Variants in EGFLAM observed in about 807,000 individuals in gnomAD.
EGFLAM encodes pikachurin.
EGFLAM carries 79 observed loss-of-function variants against 113.1 expected under a neutral mutation model. The observed-to-expected ratio is 0.70, with a 90% CI of 0.58 to 0.84. The LOEUF (loss-of-function observed/expected upper bound fraction) is 0.84. Among genes scored for constraint, EGFLAM ranks in the 40% least tolerant of loss-of-function variants. The pLI, the probability that EGFLAM is intolerant of heterozygous loss-of-function variation, is 0.00. For synonymous variants in EGFLAM, 504 were observed against 487.6 expected (o/e 1.03, Z -0.44); for missense variants, 1,265 against 1,291.6 (o/e 0.98, Z 0.32).
intron 1 of EGFLAM, among the ~76,000 whole-genome samples, chr5:38,299,206 C>T (rs1758516062): frequency 6.6e-6 from 1 of 152,170 alleles, no homozygotes; most frequent in African/African-American, 2.4e-5. Flanking sequence ...TATTGTGTAA[C>T]ACACAAGGAA....
intron 1 of EGFLAM, among the ~76,000 whole-genome samples, chr5:38,279,650 T>C (rs1757968428): frequency 6.6e-6 from 1 of 152,168 alleles, no homozygotes; most frequent in South Asian, 2.1e-4. Context: ...CTCACTCATA[T>C]GTGGAGTCTA....
intron 1 of EGFLAM, among the ~76,000 whole-genome samples, chr5:38,306,380 G>C (rs56127508): frequency 2.0e-5 from 3 of 152,164 alleles, no homozygotes; most frequent in African/African-American, 7.2e-5. Flanking sequence ...TTTTCCACCA[G>C]ATGGCTGCGT....
intron 17 of EGFLAM, among the ~76,000 whole-genome samples, chr5:38,446,290 C>T (rs935747242): frequency 2.0e-5 from 3 of 152,040 alleles, no homozygotes; most frequent in African/African-American, 7.2e-5. Flanking sequence ...GGTCTATTCC[C>T]TCCCCTCCTT....
At chr5:38,396,320 T>C (rs1740961433) in intron 6 of EGFLAM, among the ~76,000 whole-genome samples, 1 of 152,204 alleles carries the variant, frequency 6.6e-6, no homozygotes, top group Non-Finnish European at 1.5e-5. Flanking sequence ...GCCATATCCT[T>C]CTGATGCTAT....
At chr5:38,367,393 T>G (rs1006349930) in intron 5 of EGFLAM, among the ~76,000 whole-genome samples, 2 of 151,606 alleles carry the variant, frequency 1.3e-5, no homozygotes, top group South Asian at 4.2e-4. Context: ...ATTATAGGCA[T>G]GCACAACCAT....
intron 15 of EGFLAM, among the ~76,000 whole-genome samples, chr5:38,433,744 A>G (rs1162618724): frequency 1.3e-5 from 2 of 152,216 alleles, no homozygotes; most frequent in African/African-American, 4.8e-5. Flanking sequence ...GACAAGAGAA[A>G]GATGCCTGTG....
chr5:38,436,023 G>A (rs1032962042), intron 16 of EGFLAM, among the ~76,000 whole-genome samples: 4 of 151,874 alleles, frequency 2.6e-5, no homozygotes, highest in Non-Finnish European at 4.4e-5. Flanking sequence ...TCACCATGTT[G>A]GCCAGGCTGG....
chr5:38,370,714 CT>C (rs1417732660), intron 6 of EGFLAM, among the ~76,000 whole-genome samples: 2 of 152,178 alleles, frequency 1.3e-5, no homozygotes, highest in Non-Finnish European at 2.9e-5. Flanking sequence ...GGTCAGTTTT[CT>C]TTCACAGTCA....
At chr5:38,416,194 T>A (rs975338384) in intron 11 of EGFLAM, among the ~76,000 whole-genome samples, 1 of 152,300 alleles carries the variant, frequency 6.6e-6, no homozygotes, top group Admixed American at 6.5e-5. Flanking sequence ...TTAATAAGCT[T>A]TCTGAGAGAC....
intron 6 of EGFLAM, among the ~76,000 whole-genome samples, chr5:38,377,224 G>GC (rs995769751): frequency 2.6e-5 from 4 of 151,304 alleles, no homozygotes; most frequent in African/African-American, 4.9e-5. Flanking sequence ...TGCAACCTCC[G>GC]CCCCCCAGGT....
In EGFLAM at chr5:38,352,280, G is replaced by C. The variant is rs1186173919; in HGVS notation, c.494G>C (p.Gly165Ala). The change falls in exon 5 of 22, where the codon GGA (glycine) becomes GCA (alanine). Residue 165 changes from glycine (G) to alanine (A), a missense_variant. Transcript: ENST00000322350. ...GAGGTGGCCCTGTCTTGGAAACCTG[G>C]AGCGAGTGAAGGAAGCGCCCCTATT... is the stretch of plus-strand genomic sequence containing the variant. ...DSEVALSWKPGASEGSAPIQY... is the reference protein window; with the variant it reads ...DSEVALSWKPAASEGSAPIQY... 6.2e-7 allele frequency: 1 copy of C among 1,613,930 alleles called. No homozygotes were observed. Among genetic ancestry groups the C allele is most frequent in the Non-Finnish European group, 8.5e-7 (1 of 1,180,010 alleles).
chr5:38,311,454 T>A (rs1252193835), intron 1 of EGFLAM, among the ~76,000 whole-genome samples: 3 of 152,242 alleles, frequency 2.0e-5, no homozygotes, highest in African/African-American at 7.2e-5. Flanking sequence ...TTTGTCCTTC[T>A]GTGCCTGGCT....
intron 1 of EGFLAM, chr5:38,305,377 A>G (rs1758696285): frequency 7.2e-6 from 3 of 417,244 alleles, no homozygotes; most frequent in South Asian, 5.4e-5. Context: ...CAAACTATCA[A>G]TGAAGGATGA....
At chr5:38,434,053 A>G (rs1262493995) in intron 15 of EGFLAM, among the ~76,000 whole-genome samples, 1 of 152,094 alleles carries the variant, frequency 6.6e-6, no homozygotes, top group East Asian at 1.9e-4. Flanking sequence ...CCTCTGGCCA[A>G]TGATCTTCCA....
At chr5:38,451,828 T>C (rs745484373) in intron 19 of EGFLAM, among the ~76,000 whole-genome samples, 1 of 151,696 alleles carries the variant, frequency 6.6e-6, no homozygotes, top group Non-Finnish European at 1.5e-5. Flanking sequence ...CCATCTCTAC[T>C]AAAAAATACA....
intron 5 of EGFLAM, among the ~76,000 whole-genome samples, chr5:38,355,918 G>T (rs1207526435): frequency 2.6e-5 from 4 of 152,066 alleles, no homozygotes; most frequent in Non-Finnish European, 5.9e-5. Flanking sequence ...CCACCACGAT[G>T]CCTGGCTAAT....
chr5:38,460,669 T>A (rs1418182042), intron 20 of EGFLAM, among the ~76,000 whole-genome samples: 1 of 152,100 alleles, frequency 6.6e-6, no homozygotes, highest in African/African-American at 2.4e-5. Flanking sequence ...ACTAGATGAA[T>A]GGGAGGATTC....
At chr5:38,259,978 C>T (rs186142718) in intron 1 of EGFLAM, among the ~76,000 whole-genome samples, 230 of 152,314 alleles carry the variant, frequency 1.5e-3, no homozygotes, top group African/African-American at 5.4e-3. Context: ...CTGGAAGCGT[C>T]CTCAGTCTTT....
intron 1 of EGFLAM, among the ~76,000 whole-genome samples, chr5:38,316,474 A>T (rs1361381959): frequency 1.3e-5 from 2 of 152,204 alleles, no homozygotes; most frequent in East Asian, 3.9e-4. Flanking sequence ...CTCCTAAAAT[A>T]GGACAATAAT....
Sources: gnomAD v4.1 joint callset for allele counts (sites outside exome capture counted in the v4.1 genomes callset) on GRCh38, gnomAD v4.1.1 for gene constraint, MANE v1.5 for transcripts, NCBI Gene and HGNC (gene_info 2026-07-23, HGNC 2026-07-21) for gene names.